GK5: variants seen among roughly 807,000 people sequenced by gnomAD.
The protein encoded by GK5 is ATP:glycerol 3-phosphotransferase 5.
GK5 carries 39 observed loss-of-function variants against 77.3 expected under a neutral mutation model. The observed-to-expected ratio is 0.50, with a 90% CI of 0.39 to 0.66. GK5 has a LOEUF of 0.66. GK5 is among the 30% of genes least tolerant of loss of function. The probability of loss-of-function intolerance (pLI) is 0.00; values close to 1 mark genes in which losing one functional copy is unlikely to be tolerated. For missense variants in GK5, 487 were observed against 633.8 expected, an observed-to-expected ratio of 0.77 and a Z score of 2.49; for synonymous variants, 211 against 208.0, an observed-to-expected ratio of 1.01 and a Z score of -0.13.
intron 15 of GK5, among the ~76,000 whole-genome samples, chr3:142,168,967 A>G (rs1490796208): frequency 1.3e-5 from 2 of 152,106 alleles, no homozygotes; most frequent in Non-Finnish European, 1.5e-5. Flanking sequence ...AGCCCCTTCA[A>G]AATTGAACCA....
intron 12 of GK5, 126 bp downstream of exon 12, chr3:142,177,356 C>A: frequency 1.6e-6 from 1 of 623,856 alleles, no homozygotes; most frequent in Non-Finnish European, 2.9e-6. Context: ...GCCCTAAAAT[C>A]TACCTTTCAT....
chr3:142,213,248 C>T (rs2064221104), intron 3 of GK5, among the ~76,000 whole-genome samples: 1 of 152,052 alleles, frequency 6.6e-6, no homozygotes, highest in African/African-American at 2.4e-5. Context: ...TTTTTTAGAT[C>T]TTTGATCTAT....
rs1560235620 is a variant in GK5, at chr3:142,212,293, A to T, written c.317+1233T>A. ...CAGAGAAACACATGCTAGCTGGGGG[A>T]GGTGGCTGAGGTGGAAGAATTGCTT... On this transcript the variant is annotated intron_variant, in intron 3 of 15. Coordinates refer to ENST00000392993, the MANE Select transcript of GK5 (RefSeq NM_001039547.3). Among the ~76,000 whole-genome samples the T allele has an allele frequency of 2.0e-5, 3 of 151,722 alleles. No individual in the cohort carries two copies. In the South Asian group the frequency reaches 6.3e-4, roughly 32 times the overall value.
rs894257741 is a variant in GK5, at chr3:142,165,614, A to G, written c.*8T>C. On this transcript the variant is annotated 3_prime_UTR_variant, in exon 16 of 16. Transcript: ENST00000392993. ...AGCTACCTATGGTTTTGATCATTTC[A>G]TTTAGTGTTATGTCTTGTTATACCA... 1.9e-6 allele frequency: 3 copies of G among 1,599,764 alleles called. No homozygotes were observed. The highest frequency in any genetic ancestry group is 2.3e-5 in the East Asian group (1 of 44,240).
chr3:142,170,579 AAAATT>A, intron 14 of GK5, 121 bp from the exon 15 acceptor site: 1 of 797,796 alleles, frequency 1.3e-6, no homozygotes, highest in Non-Finnish European at 1.9e-6. Flanking sequence ...TTTTAATTCT[AAAATT>A]AAATCACTTA....
chr3:142,208,541 A>G (rs1371059640), intron 3 of GK5, among the ~76,000 whole-genome samples: 2 of 152,232 alleles, frequency 1.3e-5, no homozygotes, highest in Non-Finnish European at 2.9e-5. Flanking sequence ...CATCTGTTGA[A>G]AAAACTATTC....
chr3:142,219,733 T>C (rs1006355492), intron 1 of GK5, among the ~76,000 whole-genome samples: 5 of 152,208 alleles, frequency 3.3e-5, no homozygotes, highest in Admixed American at 6.5e-5. Flanking sequence ...TCCAGTACTT[T>C]GGGAGGCCGA....
At chr3:142,190,753 T>C (rs370007806) in intron 5 of GK5, among the ~76,000 whole-genome samples, 4 of 152,292 alleles carry the variant, frequency 2.6e-5, no homozygotes, top group South Asian at 4.1e-4. Context: ...AAAGAAATGT[T>C]GAAAGCCTTT....
At chr3:142,181,619 A>C in intron 10 of GK5, 54 bp from the exon 11 acceptor site, 1 of 1,195,770 alleles carries the variant, frequency 8.4e-7, no homozygotes, top group African/African-American at 1.5e-5. Flanking sequence ...TTCATTATAG[A>C]GACTTCTACA....
chr3:142,176,341 A>G (rs1365001307), intron 12 of GK5, among the ~76,000 whole-genome samples: 1 of 152,166 alleles, frequency 6.6e-6, no homozygotes, highest in Non-Finnish European at 1.5e-5. Flanking sequence ...GAGATAAGCA[A>G]GAAGAAAGAG....
intron 1 of GK5, among the ~76,000 whole-genome samples, chr3:142,217,666 C>A (rs1236202176): frequency 6.6e-6 from 1 of 152,094 alleles, no homozygotes; most frequent in East Asian, 1.9e-4. Flanking sequence ...TCAAGAGGCT[C>A]AGGAAAACTT....
intron 12 of GK5, among the ~76,000 whole-genome samples, chr3:142,175,262 T>C (rs541812543): frequency 1.3e-5 from 2 of 152,278 alleles, no homozygotes; most frequent in Admixed American, 6.5e-5. Context: ...AAAGCCATAA[T>C]GGTTGCACTA....
chr3:142,182,346 G>A (rs904805493), intron 10 of GK5, among the ~76,000 whole-genome samples: 2 of 151,442 alleles, frequency 1.3e-5, no homozygotes, highest in African/African-American at 2.4e-5. Context: ...ACCCTAGTAA[G>A]AAGATTTTTT....
chr3:142,165,670 G>A lies in GK5; in HGVS notation c.1542C>T (p.Asn514=). The change falls in exon 16 of 16, where the codon AAC becomes AAT. Residue 514 remains asparagine, a synonymous_variant. Transcript: ENST00000392993. Reference sequence around the variant, plus strand: ...TGGAGCGTTTCACTGCTTTGGCCCAGTTTTCCAGACTCATTTCATATTCTT... The same window carrying A: ...TGGAGCGTTTCACTGCTTTGGCCCAATTTTCCAGACTCATTTCATATTCTT... ...KCQEYEMSLE[N]WAKAVKRSMN... The A allele has an allele frequency of 6.2e-7, 1 of 1,613,036 alleles. No homozygotes were observed. The highest frequency in any genetic ancestry group is 8.5e-7 in the Non-Finnish European group (1 of 1,179,584).
intron 5 of GK5, among the ~76,000 whole-genome samples, chr3:142,192,279 C>A (rs2063862859): frequency 6.6e-6 from 1 of 152,218 alleles, no homozygotes; most frequent in Non-Finnish European, 1.5e-5. Context: ...AATGACACAG[C>A]TACTTTGGAG....
At chr3:142,167,216 T>C (rs932385419) in intron 15 of GK5, among the ~76,000 whole-genome samples, 3 of 151,730 alleles carry the variant, frequency 2.0e-5, no homozygotes, top group African/African-American at 7.3e-5. Context: ...TCTACTAAAA[T>C]ATAAAAAATT....
intron 5 of GK5, among the ~76,000 whole-genome samples, chr3:142,189,843 CAT>C (rs1293750424): frequency 1.3e-5 from 2 of 152,140 alleles, no homozygotes; most frequent in Non-Finnish European, 2.9e-5. Context: ...AAGAAACAAA[CAT>C]AAATCTTATC....
At chr3:142,173,209 A>AG in intron 12 of GK5, 1 of 446,858 alleles carries the variant, frequency 2.2e-6, no homozygotes, top group Non-Finnish European at 4.4e-6. Flanking sequence ...TAAAAAAAAA[A>AG]AAAAAACACC....
At chr3:142,200,014 T>C (rs940413498) in intron 4 of GK5, among the ~76,000 whole-genome samples, 8 of 152,154 alleles carry the variant, frequency 5.3e-5, no homozygotes, top group Non-Finnish European at 5.9e-5. Flanking sequence ...ATAAAATTTG[T>C]AGACTCAGTT....
Sources: allele counts gnomAD v4.1 joint callset (sites outside exome capture counted in the v4.1 genomes callset), GRCh38; gene constraint gnomAD v4.1.1; transcripts MANE v1.5; gene names NCBI Gene and HGNC (gene_info 2026-07-23, HGNC 2026-07-21).